The following KCNJ10 variants were observed in gnomAD, a reference collection of about 807,000 sequenced individuals.
The protein encoded by KCNJ10 is ATP-sensitive inward rectifier potassium channel 10.
A neutral mutation model predicts 22.2 loss-of-function variants in KCNJ10; 9 were observed. The observed-to-expected ratio is 0.40, with a 90% CI of 0.24 to 0.71. The LOEUF (loss-of-function observed/expected upper bound fraction) is 0.71, where lower values mean the gene tolerates loss of function less well. Among genes scored for constraint, KCNJ10 ranks in the 30% least tolerant of loss-of-function variants. The probability of loss-of-function intolerance (pLI) is 0.35; values close to 1 mark genes in which losing one functional copy is unlikely to be tolerated. For missense variants in KCNJ10, 337 were observed against 482.7 expected, an observed-to-expected ratio of 0.70 and a Z score of 2.83; for synonymous variants, 184 against 187.3, an observed-to-expected ratio of 0.98 and a Z score of 0.15.
chr1:160,066,388 A>C (rs957569726), intron 1 of KCNJ10, among the ~76,000 whole-genome samples: 1 of 152,152 alleles, frequency 6.6e-6, no homozygotes, highest in Admixed American at 6.5e-5. Flanking sequence ...CCTAGGACAG[A>C]ATCTCAAAAC....
rs1266139860 is a variant in KCNJ10, at chr1:160,041,711, C to T, written c.822G>A (p.Glu274=). Reference sequence around the variant, plus strand: ...GGATCAGCACCAGCTCAAAGTCACCCTCACCACTGCGAAGAGGGAGATCTT... The same window carrying T: ...GGATCAGCACCAGCTCAAAGTCACCTTCACCACTGCGAAGAGGGAGATCTT... ...PLKDLPLRSG[E]GDFELVLILS... The change falls in exon 2 of 2, where the codon GAG becomes GAA. Residue 274 remains glutamate, a synonymous_variant. Coordinates refer to ENST00000644903, the MANE Select transcript of KCNJ10 (RefSeq NM_002241.5). The surrounding 1 kb of genome is among the most constrained non-coding windows in gnomAD (Gnocchi z 4.4). 1 of 1,614,140 alleles carries T rather than the reference C, an allele frequency of 6.2e-7. No homozygotes were observed. Among genetic ancestry groups the T allele is most frequent in the South Asian group, 1.1e-5 (1 of 91,082 alleles).
rs869071095 is a variant in KCNJ10, at chr1:160,054,766, AC to A, written c.1-12235del. 3.9e-4 allele frequency among the ~76,000 whole-genome samples: 8 copies of A among 20,430 alleles called. No individual in the cohort carries two copies. The East Asian group carries it at 0.079, about 202-fold the overall frequency. The allele number at this position is 20,430 out of a possible 152,430, so 13.4% of individuals were successfully genotyped here. A position where few individuals can be genotyped will look rare whatever the true frequency, so the allele number is the denominator to read the frequency against. On this transcript the variant is annotated intron_variant, in intron 1 of 1. Transcript: ENST00000644903. ...ATCCATCCCCAACTTATCTCCAAAG[AC>A]TGCTGGTTGAGGGGATCAACCTAGT... is the stretch of plus-strand genomic sequence containing the variant.
At chr1:160,048,237 G>A (rs1648794063) in intron 1 of KCNJ10, among the ~76,000 whole-genome samples, 1 of 22,258 alleles carries the variant, frequency 4.5e-5, no homozygotes, top group Admixed American at 6.0e-4. Context: ...GGCCTCACAG[G>A]AGACACCTAG....
intron 1 of KCNJ10, chr1:160,068,132 C>T (rs1190352957): frequency 1.3e-5 from 2 of 152,268 alleles, no homozygotes; most frequent in Non-Finnish European, 2.9e-5. Context: ...AATCCCCTCA[C>T]ACAAACATAT....
At position 160,038,136 on chromosome 1, in the gene KCNJ10, A is replaced by G. The variant is rs1648519741; in HGVS notation, c.*3257T>C. On this transcript the variant is annotated 3_prime_UTR_variant, in exon 2 of 2. Coordinates refer to ENST00000644903, the MANE Select transcript of KCNJ10 (RefSeq NM_002241.5). The stretch of plus-strand genomic sequence containing the variant: ...TTGGATTCCAGGGTTGAGGCTTCCC[A>G]TTAGTGCCTCCCATACACCAAAGTG... 6.6e-6 allele frequency: 1 copy of G among 152,204 alleles called. No individual in the cohort carries two copies. Among genetic ancestry groups the G allele is most frequent in the Non-Finnish European group, 1.5e-5 (1 of 68,036 alleles). The allele number at this position is 152,204 out of a possible 1,614,324, so 9.4% of individuals were successfully genotyped here.
intron 1 of KCNJ10, chr1:160,064,604 C>T (rs1240993303): frequency 6.6e-6 from 1 of 152,206 alleles, no homozygotes; most frequent in Non-Finnish European, 1.5e-5. Context: ...CAAACCAAAG[C>T]TCTTTGGAGT....
chr1:160,041,443 G>A lies in KCNJ10; in HGVS notation c.1090C>T (p.Gln364Ter). 1 of 1,614,024 alleles carries A rather than the reference G, an allele frequency of 6.2e-7. No homozygotes were observed. Among genetic ancestry groups the A allele is most frequent in the Non-Finnish European group, 8.5e-7 (1 of 1,179,998 alleles). ...AGGGCACTGCCCTCCTTCTCAGCTT[G>A]CTCCCTTAATGACTCCTCCAACTTG... is the stretch of plus-strand genomic sequence containing the variant. ...KLKLEESLRE[Q>*]AEKEGSALSV... is the part of the protein sequence containing the mutation. Residue 364 changes from glutamine to a stop codon, truncating the protein, a stop_gained, in exon 2 of 2, where the codon CAA (glutamine) becomes TAA (stop). Coordinates refer to ENST00000644903, the MANE Select transcript of KCNJ10 (RefSeq NM_002241.5). LOFTEE classifies it high-confidence loss of function. The surrounding 1 kb of genome is among the most constrained non-coding windows in gnomAD (Gnocchi z 4.4).
At chr1:160,044,107 C>G (rs1469328335) in intron 1 of KCNJ10, among the ~76,000 whole-genome samples, 2 of 152,200 alleles carry the variant, frequency 1.3e-5, no homozygotes, top group Non-Finnish European at 2.9e-5. Context: ...TATGCCCAAC[C>G]AGGTAGGCAC....
At chr1:160,067,831 T>A (rs1334154812) in intron 1 of KCNJ10, 1 of 152,166 alleles carries the variant, frequency 6.6e-6, no homozygotes, top group Non-Finnish European at 1.5e-5. Context: ...CAGATCTTTC[T>A]GCATGACCCA....
At chr1:160,053,154 C>A (rs1410726300) in intron 1 of KCNJ10, among the ~76,000 whole-genome samples, 1 of 152,104 alleles carries the variant, frequency 6.6e-6, no homozygotes, top group Non-Finnish European at 1.5e-5. Context: ...CTGTAAATCT[C>A]TATGTCTAGC....
chr1:160,055,970 G>A (rs1215279243), intron 1 of KCNJ10, among the ~76,000 whole-genome samples: 1 of 152,140 alleles, frequency 6.6e-6, no homozygotes, highest in African/African-American at 2.4e-5. Flanking sequence ...CAGACTCAGC[G>A]TCCTGTCTCC....
In KCNJ10 at chr1:160,042,424, T is replaced by C; in HGVS notation, c.109A>G (p.Ser37Gly). 1 of 1,614,232 alleles carries C rather than the reference T, an allele frequency of 6.2e-7. No individual in the cohort carries two copies. The highest frequency in any genetic ancestry group is 8.5e-7 in the Non-Finnish European group (1 of 1,180,048). ...GCAATGTGCTCCATTCTCACGTTGC[T>C]GCGACCATCTTTTGTCAGGACTCTC... ...RRRVLTKDGR[S>G]NVRMEHIADK... Residue 37 changes from serine (S) to glycine (G), a missense_variant, in exon 2 of 2, where the codon AGC (serine) becomes GGC (glycine). This residue lies in a region of KCNJ10 where 107 missense variants were observed against 135.2 expected (regional missense o/e 0.79). Transcript: ENST00000644903.
chr1:160,068,456 A>T (rs756611103), intron 1 of KCNJ10, among the ~76,000 whole-genome samples: 2 of 151,712 alleles, frequency 1.3e-5, no homozygotes, highest in Non-Finnish European at 2.9e-5. Flanking sequence ...ACCCCCCAAC[A>T]CCCTCTCCCT....
chr1:160,062,703 G>C (rs529685984), intron 1 of KCNJ10: 5 of 152,366 alleles, frequency 3.3e-5, no homozygotes, highest in African/African-American at 1.2e-4. Flanking sequence ...AAAGAAGTGG[G>C]TGGGCAGTCT....
chr1:160,047,205 C>T (rs1648762242), intron 1 of KCNJ10, among the ~76,000 whole-genome samples: 1 of 152,112 alleles, frequency 6.6e-6, no homozygotes, highest in African/African-American at 2.4e-5. Context: ...TTTATCAGGG[C>T]CTTTCTTGAG....
intron 1 of KCNJ10, among the ~76,000 whole-genome samples, chr1:160,044,036 C>G (rs11265309): frequency 0.23 from 35,549 of 152,028 alleles, 5,477 homozygotes; most frequent in African/African-American, 0.44. Flanking sequence ...ACCCCACCCC[C>G]CATCTCTATT....
At chr1:160,061,094 C>T (rs1020479952) in intron 1 of KCNJ10, among the ~76,000 whole-genome samples, 5 of 152,150 alleles carry the variant, frequency 3.3e-5, no homozygotes, top group African/African-American at 1.2e-4. Flanking sequence ...ACCCCTTCCC[C>T]TCACCATGCC....
intron 1 of KCNJ10, among the ~76,000 whole-genome samples, chr1:160,059,691 T>A (rs1402501173): frequency 6.6e-6 from 1 of 152,186 alleles, no homozygotes; most frequent in Admixed American, 6.5e-5. Flanking sequence ...AGCAATGCTC[T>A]TACTGGGGTC....
At chr1:160,045,049 G>A (rs916203537) in intron 1 of KCNJ10, among the ~76,000 whole-genome samples, 1 of 152,112 alleles carries the variant, frequency 6.6e-6, no homozygotes, top group African/African-American at 2.4e-5. Flanking sequence ...TTATGATAAG[G>A]CTACTAAATT....
Sources: allele counts gnomAD v4.1 joint callset (sites outside exome capture counted in the v4.1 genomes callset), GRCh38; gene constraint gnomAD v4.1.1; regional missense constraint gnomAD v4.1.1; non-coding constraint Gnocchi (gnomAD v3.1); transcripts MANE v1.5; gene names NCBI Gene and HGNC (gene_info 2026-07-23, HGNC 2026-07-21).